The following ASB3 variants were observed in gnomAD, a reference collection of about 807,000 sequenced individuals.
The protein encoded by ASB3 is ankyrin repeat and SOCS box containing 3.
In ASB3, 41 loss-of-function variants were observed where a neutral mutation model predicts 54.5. The ratio of observed to expected loss-of-function variants is 0.75; its 90% CI spans 0.59 to 0.98. ASB3 has a LOEUF of 0.98. Among genes scored for constraint, ASB3 ranks in the 50% least tolerant of loss-of-function variants. The pLI is 0.00. For synonymous variants in ASB3, 266 were observed against 221.2 expected (o/e 1.20, Z -1.80); for missense variants, 733 against 620.0 (o/e 1.18, Z -1.94).
At chr2:53,679,740 T>A (rs918968800) in intron 9 of ASB3, among the ~76,000 whole-genome samples, 2 of 152,208 alleles carry the variant, frequency 1.3e-5, no homozygotes, top group African/African-American at 2.4e-5. Flanking sequence ...TTCATTCACA[T>A]AATTTTTTTA....
chr2:53,745,862 T>C (rs1311233557), intron 3 of ASB3, among the ~76,000 whole-genome samples: 1 of 152,260 alleles, frequency 6.6e-6, no homozygotes, highest in Non-Finnish European at 1.5e-5. Context: ...TTTCTCACTT[T>C]AAGTCCAACT....
At chr2:53,765,677 C>G in intron 1 of ASB3, 92 bp from the exon 2 acceptor site, 5 of 1,453,122 alleles carry the variant, frequency 3.4e-6, no homozygotes, top group Non-Finnish European at 4.7e-6. Flanking sequence ...TGTCTAGTAT[C>G]TCTCACATGA....
intron 5 of ASB3, among the ~76,000 whole-genome samples, chr2:53,728,041 AT>A (rs544316040): frequency 3.5e-4 from 52 of 149,356 alleles, no homozygotes; most frequent in African/African-American, 8.6e-4. Context: ...AAGCCTAGGT[AT>A]TTTTTTTTTA....
intron 1 of ASB3, among the ~76,000 whole-genome samples, chr2:53,776,609 T>C (rs191927524): frequency 2.3e-4 from 35 of 152,160 alleles, no homozygotes; most frequent in African/African-American, 8.4e-4. Context: ...TCACTTCAGG[T>C]TAGGAGCTAG....
chr2:53,765,731 A>C, intron 1 of ASB3, 146 bp from the exon 2 acceptor site: 1 of 958,056 alleles, frequency 1.0e-6, no homozygotes, highest in Non-Finnish European at 1.5e-6. Flanking sequence ...CTGCCATGCC[A>C]CAGTCTCTGC....
chr2:53,721,513 G>C (rs1670713398), intron 5 of ASB3, among the ~76,000 whole-genome samples: 1 of 152,106 alleles, frequency 6.6e-6, no homozygotes, highest in Admixed American at 6.6e-5. Flanking sequence ...GGAGGTTGCG[G>C]TGAGCCTAGA....
chr2:53,702,563 T>A (rs895703287), intron 7 of ASB3, among the ~76,000 whole-genome samples: 9 of 152,206 alleles, frequency 5.9e-5, no homozygotes, highest in African/African-American at 1.9e-4. Flanking sequence ...CAAAAGTCTA[T>A]CTTGTTTAAC....
chr2:53,696,206 C>A (rs1669172309), intron 8 of ASB3, among the ~76,000 whole-genome samples: 1 of 152,170 alleles, frequency 6.6e-6, no homozygotes, highest in Non-Finnish European at 1.5e-5. Context: ...AGTTACTCCT[C>A]AGGAGTAAAA....
At chr2:53,755,985 C>T (rs576495110) in intron 2 of ASB3, among the ~76,000 whole-genome samples, 5 of 151,288 alleles carry the variant, frequency 3.3e-5, no homozygotes, top group African/African-American at 7.3e-5. Context: ...AGACCCCCCC[C>T]CCACCTCTAC....
At chr2:53,729,304 A>C (rs960846645) in intron 4 of ASB3, among the ~76,000 whole-genome samples, 154 bp downstream of exon 4, 1 of 152,220 alleles carries the variant, frequency 6.6e-6, no homozygotes, top group Non-Finnish European at 1.5e-5. Flanking sequence ...TGGCTGATTC[A>C]GAATCATCAT....
chr2:53,758,227 T>G (rs928398773), intron 2 of ASB3, among the ~76,000 whole-genome samples: 1 of 152,194 alleles, frequency 6.6e-6, no homozygotes, highest in Non-Finnish European at 1.5e-5. Context: ...TGACAACACA[T>G]AGCCTTCCTA....
intron 9 of ASB3, among the ~76,000 whole-genome samples, chr2:53,677,250 T>A (rs964645930): frequency 3.3e-5 from 5 of 152,214 alleles, no homozygotes; most frequent in Non-Finnish European, 7.3e-5. Context: ...TATATAAGAA[T>A]ACTTTATAAT....
intron 7 of ASB3, among the ~76,000 whole-genome samples, chr2:53,712,452 C>T (rs2103824812): frequency 6.6e-6 from 1 of 152,210 alleles, no homozygotes; most frequent in East Asian, 1.9e-4. Context: ...AAAGGGTCTG[C>T]CCCCTAAAAT....
intron 8 of ASB3, among the ~76,000 whole-genome samples, chr2:53,698,153 C>T (rs1004772743): frequency 6.6e-6 from 1 of 152,168 alleles, no homozygotes; most frequent in African/African-American, 2.4e-5. Context: ...TCCATGCCCC[C>T]ACAGCTCTTG....
At chr2:53,678,590 G>A (rs1212504176) in intron 9 of ASB3, among the ~76,000 whole-genome samples, 1 of 152,130 alleles carries the variant, frequency 6.6e-6, no homozygotes, top group Non-Finnish European at 1.5e-5. Flanking sequence ...CACAAATGTG[G>A]TGGCACAGTC....
intron 1 of ASB3, among the ~76,000 whole-genome samples, chr2:53,770,345 T>C (rs971780493): frequency 6.6e-6 from 1 of 152,108 alleles, no homozygotes; most frequent in African/African-American, 2.4e-5. Context: ...GCAACAAAGA[T>C]GACACAAATG....
chr2:53,724,261 A>G (rs1670868587), intron 5 of ASB3, among the ~76,000 whole-genome samples: 1 of 152,164 alleles, frequency 6.6e-6, no homozygotes, highest in South Asian at 2.1e-4. Flanking sequence ...TAGAATCTAT[A>G]AGGAACTTAA....
intron 5 of ASB3, among the ~76,000 whole-genome samples, chr2:53,721,440 G>A (rs867588494): frequency 2.0e-5 from 3 of 150,592 alleles, no homozygotes; most frequent in Non-Finnish European, 4.4e-5. Context: ...ACATAGTGGT[G>A]TGTGCCTATA....
chr2:53,769,553 G>T (rs1173625050), intron 1 of ASB3, among the ~76,000 whole-genome samples: 1 of 152,186 alleles, frequency 6.6e-6, no homozygotes, highest in Non-Finnish European at 1.5e-5. Flanking sequence ...TCTTTAAAAG[G>T]AGAAAGGGGC....
Sources: allele counts gnomAD v4.1 joint callset (sites outside exome capture counted in the v4.1 genomes callset), GRCh38; gene constraint gnomAD v4.1.1; transcripts MANE v1.5; gene names NCBI Gene and HGNC (gene_info 2026-07-23, HGNC 2026-07-21).